ATP6V0A4: variants seen among roughly 807,000 people sequenced by gnomAD.
ATP6V0A4 encodes V-type proton ATPase 116 kDa subunit a 4.
ATP6V0A4 carries 86 observed loss-of-function variants against 107.3 expected under a neutral mutation model. The ratio of observed to expected loss-of-function variants is 0.80; its 90% confidence interval spans 0.67 to 0.96. The LOEUF (loss-of-function observed/expected upper bound fraction) is 0.96. Ranked by LOEUF, ATP6V0A4 falls within the 40% of genes least tolerant of loss-of-function variation. The pLI is 0.00. For synonymous variants in ATP6V0A4, 353 were observed against 381.4 expected, an observed-to-expected ratio of 0.93 and a Z score of 0.87; for missense variants, 908 against 1,045.6, an observed-to-expected ratio of 0.87 and a Z score of 1.81.
chr7:138,719,507 A>G (rs1464944081), intron 19 of ATP6V0A4, among the ~76,000 whole-genome samples: 1 of 152,170 alleles, frequency 6.6e-6, no homozygotes, highest in Admixed American at 6.5e-5. Flanking sequence ...TCATCAGTCA[A>G]TCAATCAGTC....
At chr7:138,772,447 C>T (rs1158940663) in intron 2 of ATP6V0A4, among the ~76,000 whole-genome samples, 2 of 152,032 alleles carry the variant, frequency 1.3e-5, no homozygotes, top group African/African-American at 4.8e-5. Flanking sequence ...AGAAGGATGC[C>T]CACGGGTGAG....
chr7:138,792,672 C>T (rs1386618838), intron 1 of ATP6V0A4, among the ~76,000 whole-genome samples: 1 of 152,014 alleles, frequency 6.6e-6, no homozygotes, highest in East Asian at 1.9e-4. Context: ...ATCATGGCTC[C>T]CTGCCATCTC....
At chr7:138,724,497 C>T (rs923556670) in intron 18 of ATP6V0A4, among the ~76,000 whole-genome samples, 4 of 152,200 alleles carry the variant, frequency 2.6e-5, no homozygotes, top group Non-Finnish European at 5.9e-5. Flanking sequence ...GGTCTGCCCT[C>T]AGGAGACTGA....
chr7:138,756,570 G>A lies in ATP6V0A4; in HGVS notation c.640-30C>T, dbSNP rs531959766. On this transcript the variant is annotated intron_variant, in intron 8 of 21. Transcript: ENST00000310018. The stretch of plus-strand genomic sequence containing the variant: ...AAAATCAGAATAAGTTAAAAAAAAA[G>A]GGGGGGGTTTCTTTCTGGTTAAAAC... 9,450 of 1,560,204 alleles carry A rather than the reference G, an allele frequency of 6.1e-3. 492 individuals are homozygous for A. The African/African-American group carries it at 0.12, about 20-fold the overall frequency.
At chr7:138,791,728 G>T (rs1392584586) in intron 1 of ATP6V0A4, among the ~76,000 whole-genome samples, 1 of 152,126 alleles carries the variant, frequency 6.6e-6, no homozygotes, top group African/African-American at 2.4e-5. Context: ...CAATGAAGGT[G>T]ATTTCCAAGA....
intron 4 of ATP6V0A4, 36 bp from the exon 5 acceptor site, chr7:138,768,910 A>G (rs1807226420): frequency 6.2e-7 from 1 of 1,612,882 alleles, no homozygotes; most frequent in East Asian, 2.2e-5. Context: ...CCCCAAGGTG[A>G]TTGTGTTTTC....
chr7:138,715,295 G>C (rs1169716612), intron 20 of ATP6V0A4, among the ~76,000 whole-genome samples: 1 of 152,136 alleles, frequency 6.6e-6, no homozygotes, highest in African/African-American at 2.4e-5. Flanking sequence ...TCTGCCTTCC[G>C]GGTTCAAGCA....
intron 2 of ATP6V0A4, 68 bp from the exon 3 acceptor site, chr7:138,771,332 T>A (rs1285111640): frequency 4.8e-5 from 74 of 1,544,088 alleles, no homozygotes; most frequent in Non-Finnish European, 6.3e-5. Context: ...TAGGGTGAAA[T>A]TTTTAAGTTA....
At chr7:138,756,057 G>A (rs1806497041) in intron 9 of ATP6V0A4, 1 of 569,390 alleles carries the variant, frequency 1.8e-6, no homozygotes, top group Non-Finnish European at 3.1e-6. Flanking sequence ...CTGCAAGCTG[G>A]GCTTGCCCCT....
chr7:138,730,931 C>CTTCTTCTTTTTT (rs1554392929), intron 17 of ATP6V0A4, among the ~76,000 whole-genome samples: 3 of 123,760 alleles, frequency 2.4e-5, no homozygotes, highest in African/African-American at 9.2e-5. Flanking sequence ...TCTTCTTCTT[C>CTTCTTCTTTTTT]TTTTTTTATT....
At chr7:138,766,715 G>A (rs1315857818) in intron 5 of ATP6V0A4, among the ~76,000 whole-genome samples, 3 of 152,092 alleles carry the variant, frequency 2.0e-5, no homozygotes, top group African/African-American at 7.2e-5. Flanking sequence ...TTGAAAATGT[G>A]TGTGCCTTGG....
chr7:138,731,901 A>AAAATAAATAAAT (rs59314409), intron 17 of ATP6V0A4, among the ~76,000 whole-genome samples: 22 of 146,708 alleles, frequency 1.5e-4, no homozygotes, highest in South Asian at 2.2e-4. Flanking sequence ...TCCAAAAATA[A>AAAATAAATAAAT]AAATAAATAA....
chr7:138,777,207 A>G (rs1807700082), intron 2 of ATP6V0A4, among the ~76,000 whole-genome samples: 1 of 152,118 alleles, frequency 6.6e-6, no homozygotes, highest in African/African-American at 2.4e-5. Flanking sequence ...GGCAGGGGCC[A>G]AGCCATGCCC....
chr7:138,739,809 T>C, intron 14 of ATP6V0A4, 176 bp from the exon 15 acceptor site: 1 of 697,438 alleles, frequency 1.4e-6, no homozygotes, highest in Non-Finnish European at 1.8e-6. Flanking sequence ...GAGGCTACAA[T>C]CTGAGTTTGC....
chr7:138,707,196 T>TAGAATATATTATATAA (rs1803446046), intron 21 of ATP6V0A4, among the ~76,000 whole-genome samples: 3 of 59,668 alleles, frequency 5.0e-5, no homozygotes, highest in Non-Finnish European at 8.7e-5. Flanking sequence ...ATTATATATA[T>TAGAATATATTATATAA]TATATAATAT....
At chr7:138,753,064 T>C (rs1257523423) in intron 10 of ATP6V0A4, among the ~76,000 whole-genome samples, 1 of 152,214 alleles carries the variant, frequency 6.6e-6, no homozygotes, top group Non-Finnish European at 1.5e-5. Context: ...AAATTCCTCA[T>C]TGTCCTATTG....
rs746972170 is a variant in ATP6V0A4 at position 138,734,241 on chromosome 7, G to T, written c.1586C>A (p.Ala529Asp). ...PFGIDPIWNL[A>D]SNKLTFLNSY... is the part of the protein sequence containing the mutation. ...GTTCAGAAATGTGAGTTTGTTTGAA[G>T]CCAAGTTCCAAATCTGGATGGGAAA... Residue 529 changes from alanine to aspartate, a missense_variant, in exon 16 of 22, where the codon GCT becomes GAT. Coordinates refer to ENST00000310018, the MANE Select transcript of ATP6V0A4 (RefSeq NM_020632.3). 2.1e-5 allele frequency: 34 copies of T among 1,613,240 alleles called. No homozygotes were observed. The highest frequency in any genetic ancestry group is 2.6e-5 in the Non-Finnish European group (31 of 1,179,482).
intron 8 of ATP6V0A4, 60 bp downstream of exon 8, chr7:138,759,692 C>T (rs939860318): frequency 1.8e-4 from 289 of 1,577,594 alleles, no homozygotes; most frequent in Non-Finnish European, 2.2e-4. Context: ...GAGAACGAAG[C>T]GCTTCTGCTG....
chr7:138,738,881 C>G (rs1562993375), intron 15 of ATP6V0A4, among the ~76,000 whole-genome samples: 1 of 152,188 alleles, frequency 6.6e-6, no homozygotes, highest in Non-Finnish European at 1.5e-5. Context: ...TTTCAGACTA[C>G]TCACGCTCAT....
Sources: gnomAD v4.1 joint callset for allele counts (sites outside exome capture counted in the v4.1 genomes callset) on GRCh38, gnomAD v4.1.1 for gene constraint, MANE v1.5 for transcripts, NCBI Gene and HGNC (gene_info 2026-07-23, HGNC 2026-07-21) for gene names.